Variants in DLGAP1 observed in about 807,000 individuals in gnomAD.
DLGAP1 encodes DLG associated protein 1.
DLGAP1 carries 11 observed loss-of-function variants against 90.8 expected under a neutral mutation model. That is an observed-to-expected ratio of 0.12 (90% CI 0.08 to 0.20). DLGAP1 has a LOEUF of 0.20. Ranked by LOEUF, DLGAP1 falls within the 10% of genes least tolerant of loss-of-function variation. The probability of loss-of-function intolerance (pLI) is 1.00; values close to 1 mark genes in which losing one functional copy is unlikely to be tolerated. For missense variants in DLGAP1, 1,050 were observed against 1,333.8 expected, an observed-to-expected ratio of 0.79 and a Z score of 3.31; for synonymous variants, 558 against 540.7, an observed-to-expected ratio of 1.03 and a Z score of -0.44.
At chr18:4,353,918 T>C (rs2081450266) in intron 1 of DLGAP1, among the ~76,000 whole-genome samples, 1 of 152,152 alleles carries the variant, frequency 6.6e-6, no homozygotes, top group African/African-American at 2.4e-5. Context: ...CCTAAGTTGC[T>C]GTGAGCTACT....
chr18:3,872,225 CAA>C (rs5822772), intron 4 of DLGAP1, among the ~76,000 whole-genome samples: 4,091 of 87,058 alleles, frequency 0.047, 57 homozygotes, highest in African/African-American at 0.12. Context: ...CTCTCCAAGA[CAA>C]AAAAAAAAAA....
intron 1 of DLGAP1, among the ~76,000 whole-genome samples, chr18:4,431,980 T>C (rs968872469): frequency 1.3e-5 from 2 of 152,250 alleles, no homozygotes. Context: ...TGAAATAGTT[T>C]AAATGTCTTA....
chr18:4,430,494 T>TTGTGTGTGTGTGTGTGTG (rs1225686125), intron 1 of DLGAP1: 2 of 73,358 alleles, frequency 2.7e-5, no homozygotes, highest in African/African-American at 4.3e-5. Flanking sequence ...GTAAATAGTC[T>TTGTGTGTGTGTGTGTGTG]TGTGTGTCTG....
intron 5 of DLGAP1, among the ~76,000 whole-genome samples, chr18:3,792,135 G>C (rs921418476): frequency 6.6e-6 from 1 of 152,070 alleles, no homozygotes; most frequent in East Asian, 1.9e-4. Flanking sequence ...GTGTACTCAC[G>C]GGCCTGCAGG....
Position 3,635,427 on chromosome 18 carries a change from C to T in DLGAP1, c.1592-53179G>A, listed in dbSNP as rs537707919. On this transcript the variant is annotated intron_variant, in intron 7 of 12. Transcript: ENST00000315677. ...GTGCTGGGATTACAGGCGTGAGCCA[C>T]CGCGCCCGGCCTGTCTGTCCCATTT... Among the ~76,000 whole-genome samples the T allele has an allele frequency of 5.9e-5, 9 of 151,730 alleles. 1 individual carries two copies. Among genetic ancestry groups the T allele is most frequent in the African/African-American group, 1.9e-4 (8 of 41,362 alleles).
intron 3 of DLGAP1, among the ~76,000 whole-genome samples, chr18:3,958,033 A>G (rs942368833): frequency 6.6e-6 from 1 of 151,882 alleles, no homozygotes; most frequent in Non-Finnish European, 1.5e-5. Context: ...AGCTGGGATT[A>G]CAGGTGTCCA....
intron 7 of DLGAP1, among the ~76,000 whole-genome samples, chr18:3,682,770 A>G (rs1567957012): frequency 6.6e-6 from 1 of 152,110 alleles, no homozygotes; most frequent in Non-Finnish European, 1.5e-5. Flanking sequence ...GAAAGCACTG[A>G]TAACACAGGA....
intron 6 of DLGAP1, among the ~76,000 whole-genome samples, chr18:3,735,709 T>C (rs1302016569): frequency 1.4e-5 from 2 of 141,368 alleles, no homozygotes; most frequent in Admixed American, 7.2e-5. Context: ...AATTAGATAA[T>C]AAGCAAGGCT....
chr18:3,518,396 T>G (rs2050973134), intron 10 of DLGAP1, among the ~76,000 whole-genome samples: 1 of 152,066 alleles, frequency 6.6e-6, no homozygotes, highest in South Asian at 2.1e-4. Flanking sequence ...AGAATAATAA[T>G]GAAAACACTT....
At chr18:3,568,869 G>A (rs914634404) in intron 8 of DLGAP1, among the ~76,000 whole-genome samples, 1 of 151,520 alleles carries the variant, frequency 6.6e-6, no homozygotes. Context: ...TATATTTTTA[G>A]TAGAGACGGG....
rs114822670 is a variant in DLGAP1 at position 3,952,694 on chromosome 18, A to G, written c.-73+52422T>C. On this transcript the variant is annotated intron_variant, in intron 3 of 12. Transcript: ENST00000315677. ...ACATATACTCATTGGTCAAGCTTCAATGAGATTATCTTGCATAAAGAAAGA... is the reference window on the plus strand; with the variant it reads ...ACATATACTCATTGGTCAAGCTTCAGTGAGATTATCTTGCATAAAGAAAGA... Among the ~76,000 whole-genome samples, 1,020 of 152,356 alleles carry G rather than the reference A, an allele frequency of 6.7e-3. 11 individuals are homozygous for G. Among genetic ancestry groups the G allele is most frequent in the African/African-American group, 0.022 (919 of 41,586 alleles).
intron 1 of DLGAP1, among the ~76,000 whole-genome samples, chr18:4,180,616 G>A (rs1376369283): frequency 1.3e-5 from 2 of 152,116 alleles, no homozygotes; most frequent in Admixed American, 1.3e-4. Context: ...AATACAAAAA[G>A]TTTCAATACT....
intron 1 of DLGAP1, among the ~76,000 whole-genome samples, chr18:4,179,703 A>G (rs2077174702): frequency 6.6e-6 from 1 of 152,160 alleles, no homozygotes; most frequent in African/African-American, 2.4e-5. Context: ...TAGTGTCTCA[A>G]TAAGTTTATT....
intron 1 of DLGAP1, among the ~76,000 whole-genome samples, chr18:4,292,574 A>G (rs1310192146): frequency 4.6e-5 from 7 of 152,302 alleles, no homozygotes; most frequent in South Asian, 2.1e-4. Flanking sequence ...AGAAATTAGA[A>G]GAAAATTATC....
intron 7 of DLGAP1, among the ~76,000 whole-genome samples, chr18:3,583,172 A>ACCTTCCTTCCTT (rs1392523480): frequency 4.6e-4 from 58 of 124,802 alleles, no homozygotes; most frequent in African/African-American, 1.7e-3. Context: ...CTACCTACCT[A>ACCTTCCTTCCTT]CCTACCTACC....
At position 3,879,664 on chromosome 18, in the gene DLGAP1, G is replaced by C. The variant is rs1026001913; in HGVS notation, c.405C>G (p.Pro135=). Reference sequence around the variant, plus strand: ...AGTGCACCAGGTGGCGGATGCGGCCGGGGCTGTCGCTGCGGTGCTCCACGG... The same window carrying C: ...AGTGCACCAGGTGGCGGATGCGGCCCGGGCTGTCGCTGCGGTGCTCCACGG... ...RTAVEHRSDS[P]GRIRHLVHSV... The change falls in exon 4 of 13, where the codon CCC becomes CCG. Residue 135 remains proline, a synonymous_variant. Transcript: ENST00000315677. The surrounding 1 kb of genome is among the most constrained non-coding windows in gnomAD (Gnocchi z 6.6). The C allele has an allele frequency of 1.9e-6, 3 of 1,606,234 alleles. No homozygotes were observed. Among genetic ancestry groups the C allele is most frequent in the Non-Finnish European group, 2.5e-6 (3 of 1,179,446 alleles).
chr18:3,700,068 G>A (rs1470339319), intron 7 of DLGAP1, among the ~76,000 whole-genome samples: 1 of 152,142 alleles, frequency 6.6e-6, no homozygotes, highest in Admixed American at 6.5e-5. Context: ...GCTCTCTGGG[G>A]GTGGGATCCG....
chr18:4,375,733 T>C (rs1007886209), intron 1 of DLGAP1, among the ~76,000 whole-genome samples: 1 of 152,176 alleles, frequency 6.6e-6, no homozygotes, highest in Admixed American at 6.6e-5. Context: ...GATGTATCTG[T>C]GCAAAAGCCT....
intron 4 of DLGAP1, among the ~76,000 whole-genome samples, chr18:3,832,838 G>A (rs2068104654): frequency 6.6e-6 from 1 of 152,108 alleles, no homozygotes; most frequent in Non-Finnish European, 1.5e-5. Context: ...ATGCAGGGGT[G>A]GAAAACGGGA....
Sources: allele counts gnomAD v4.1 joint callset (sites outside exome capture counted in the v4.1 genomes callset), GRCh38; gene constraint gnomAD v4.1.1; non-coding constraint Gnocchi (gnomAD v3.1); transcripts MANE v1.5; gene names NCBI Gene and HGNC (gene_info 2026-07-23, HGNC 2026-07-21).